UBE3D: variants seen among roughly 807,000 people sequenced by gnomAD.
UBE3D encodes the protein ubiquitin protein ligase E3D, also known as E3 ubiquitin-protein ligase E3D.
Under a neutral mutation model 49.6 loss-of-function variants are expected in UBE3D, and 48 were observed. The ratio of observed to expected loss-of-function variants is 0.97; its 90% CI spans 0.77 to 1.23. The LOEUF (loss-of-function observed/expected upper bound fraction) is 1.23. Among genes scored for constraint, UBE3D ranks in the 50% most tolerant of loss-of-function variants. UBE3D has a pLI of 0.00. For missense variants in UBE3D, 452 were observed against 468.4 expected, an observed-to-expected ratio of 0.96 and a Z score of 0.32; for synonymous variants, 189 against 174.2, an observed-to-expected ratio of 1.08 and a Z score of -0.67.
chr6:83,038,436 A>G lies in UBE3D; in HGVS notation c.647T>C (p.Leu216Ser). The G allele has an allele frequency of 6.2e-7, 1 of 1,612,258 alleles. No individual in the cohort carries two copies. The highest frequency in any genetic ancestry group is 2.2e-5 in the East Asian group (1 of 44,730). Residue 216 changes from leucine to serine, a missense_variant, in exon 5 of 10, where the codon TTG (leucine) becomes TCG (serine). Leu to Ser is a moderately radical substitution (Grantham distance 145). Transcript: ENST00000369747. ...KVICKRCKVM[L>S]GETVSSETTK... is the part of the protein sequence containing the mutation. ...CTTACCTGATGACACGGTCTCTCCC[A>G]ACATTACCTTGCAACGCTTACAAAT...
At chr6:82,880,935 T>G in the UBE3D span, among the ~76,000 whole-genome samples, 1 of 152,096 alleles carries the variant, frequency 6.6e-6, no homozygotes, top group Non-Finnish European at 1.5e-5. Context: ...TGTCCTTATG[T>G]GAGGGAAAGA....
chr6:82,976,021 T>G (rs1777692558), intron 8 of UBE3D, among the ~76,000 whole-genome samples: 1 of 152,164 alleles, frequency 6.6e-6, no homozygotes, highest in Admixed American at 6.5e-5. Context: ...GAAAAAATGT[T>G]TTTTAAGTGC....
the UBE3D span, among the ~76,000 whole-genome samples, chr6:82,883,241 T>A: frequency 1.3e-5 from 2 of 152,172 alleles, no homozygotes; most frequent in African/African-American, 4.8e-5. Context: ...AAGGAAAATG[T>A]CTCTTAGAGG....
chr6:82,893,351 T>C (rs1172915694), intron 9 of UBE3D, among the ~76,000 whole-genome samples: 1 of 152,198 alleles, frequency 6.6e-6, no homozygotes, highest in Non-Finnish European at 1.5e-5. Context: ...TTCACAACTA[T>C]TGTTTTGGAC....
intron 8 of UBE3D, among the ~76,000 whole-genome samples, chr6:82,963,145 G>C (rs1000785693): frequency 1.4e-5 from 2 of 145,300 alleles, no homozygotes; most frequent in African/African-American, 5.1e-5. Context: ...AGGAGAGTAA[G>C]AACTACAGGT....
chr6:83,003,930 A>G (rs1479078701), intron 8 of UBE3D, among the ~76,000 whole-genome samples: 1 of 152,214 alleles, frequency 6.6e-6, no homozygotes, highest in African/African-American at 2.4e-5. Context: ...TTTTGGTGAT[A>G]ATACTAACAG....
chr6:83,045,030 C>T (rs1190496064), intron 3 of UBE3D, among the ~76,000 whole-genome samples: 1 of 152,154 alleles, frequency 6.6e-6, no homozygotes, highest in Non-Finnish European at 1.5e-5. Context: ...CCACAATATT[C>T]TATTCCATAA....
At chr6:83,041,734 C>G (rs990051515) in intron 4 of UBE3D, among the ~76,000 whole-genome samples, 2 of 152,046 alleles carry the variant, frequency 1.3e-5, no homozygotes, top group African/African-American at 4.8e-5. Flanking sequence ...TTACCAAAAG[C>G]AACTAATAAT....
intron 9 of UBE3D, among the ~76,000 whole-genome samples, chr6:82,929,657 T>TTTCTTCTTTTCC (rs1562093324): frequency 1.3e-5 from 2 of 151,752 alleles, no homozygotes; most frequent in African/African-American, 2.4e-5. Context: ...TCTTCTTTTC[T>TTTCTTCTTTTCC]CCTTCTTCAT....
At chr6:82,933,701 C>T (rs376060857) in intron 9 of UBE3D, among the ~76,000 whole-genome samples, 6 of 152,068 alleles carry the variant, frequency 3.9e-5, no homozygotes, top group East Asian at 1.9e-4. Context: ...TCTACAGATA[C>T]GAAATGAAAA....
intron 8 of UBE3D, among the ~76,000 whole-genome samples, chr6:82,963,647 T>C (rs1776710023): frequency 6.6e-6 from 1 of 152,192 alleles, no homozygotes; most frequent in South Asian, 2.1e-4. Flanking sequence ...CTTTATATCC[T>C]GGCTGGGCTG....
At chr6:82,925,349 A>C (rs1221884700) in intron 9 of UBE3D, among the ~76,000 whole-genome samples, 1 of 152,146 alleles carries the variant, frequency 6.6e-6, no homozygotes, top group Non-Finnish European at 1.5e-5. Context: ...CACTTTTTCA[A>C]AATGTCTGAG....
chr6:82,889,173 G>A (rs1043069282), downstream of UBE3D, among the ~76,000 whole-genome samples: 32 of 152,182 alleles, frequency 2.1e-4, no homozygotes, highest in African/African-American at 3.1e-4. Flanking sequence ...AGACTAAGAT[G>A]TACCAATCAT....
chr6:82,945,682 A>G (rs965987896), intron 9 of UBE3D, among the ~76,000 whole-genome samples: 1 of 152,230 alleles, frequency 6.6e-6, no homozygotes, highest in Non-Finnish European at 1.5e-5. Flanking sequence ...CCAGGGATCA[A>G]TCCTGGTGGA....
At position 82,985,348 on chromosome 6, in the gene UBE3D, G is replaced by C. The variant is rs75041516; in HGVS notation, c.1011-27898C>G. On this transcript the variant is annotated intron_variant, in intron 8 of 9. Transcript: ENST00000369747. ...TTTCTTTTAGTACTTATGTGGTTTT[G>C]TTTTTTTGTTTTGTTTTGTTTTGTT... Among the ~76,000 whole-genome samples the C allele has an allele frequency of 2.6e-3, 391 of 151,660 alleles. 3 individuals are homozygous for C. Among genetic ancestry groups the C allele is most frequent in the African/African-American group, 9.2e-3 (379 of 41,356 alleles).
At position 82,911,408 on chromosome 6, in the gene UBE3D, TA is replaced by T. The variant is rs936413898; in HGVS notation, c.1150-18367del. On this transcript the variant is annotated intron_variant, in intron 9 of 9. Coordinates refer to ENST00000369747, the MANE Select transcript of UBE3D (RefSeq NM_198920.3). ...AGCTTCATTACCAATATACTGCTTCTAAATGGAATAACAAGGGCCCAAACAT... is the reference window on the plus strand; with the variant it reads ...AGCTTCATTACCAATATACTGCTTCTAATGGAATAACAAGGGCCCAAACAT... Among the ~76,000 whole-genome samples the T allele has an allele frequency of 7.2e-4, 109 of 152,160 alleles. 2 individuals carry two copies. The highest frequency in any genetic ancestry group is 5.2e-4 in the Admixed American group (8 of 15,274).
chr6:83,055,257 A>G (rs770956603), intron 2 of UBE3D, among the ~76,000 whole-genome samples: 1 of 152,224 alleles, frequency 6.6e-6, no homozygotes, highest in Non-Finnish European at 1.5e-5. Flanking sequence ...GAATGAACTA[A>G]AATATGTCTA....
At chr6:82,940,715 A>G (rs1774943304) in intron 9 of UBE3D, among the ~76,000 whole-genome samples, 1 of 152,222 alleles carries the variant, frequency 6.6e-6, no homozygotes, top group Non-Finnish European at 1.5e-5. Context: ...CAGGACCCTG[A>G]GACCCTCATA....
At chr6:83,014,648 G>A (rs1780568148) in intron 8 of UBE3D, among the ~76,000 whole-genome samples, 1 of 152,178 alleles carries the variant, frequency 6.6e-6, no homozygotes, top group Non-Finnish European at 1.5e-5. Flanking sequence ...AGTAGTCTCT[G>A]AAATGTCTGA....
Sources: allele counts gnomAD v4.1 joint callset (sites outside exome capture counted in the v4.1 genomes callset), GRCh38; gene constraint gnomAD v4.1.1; transcripts MANE v1.5; gene names NCBI Gene and HGNC (gene_info 2026-07-23, HGNC 2026-07-21).